DGKB: variants seen among roughly 807,000 people sequenced by gnomAD.
DGKB encodes the protein 90 kDa diacylglycerol kinase.
DGKB carries 67 observed loss-of-function variants against 114.3 expected under a neutral mutation model. The ratio of observed to expected loss-of-function variants is 0.59; its 90% confidence interval spans 0.48 to 0.72. The LOEUF (loss-of-function observed/expected upper bound fraction) is 0.72. Ranked by LOEUF, DGKB falls within the 30% of genes least tolerant of loss-of-function variation. DGKB has a pLI of 0.00. For synonymous variants in DGKB, 398 were observed against 323.1 expected, an observed-to-expected ratio of 1.23 and a Z score of -2.49; for missense variants, 907 against 975.2, an observed-to-expected ratio of 0.93 and a Z score of 0.93.
At chr7:14,675,470 G>C (rs940897482) in intron 12 of DGKB, among the ~76,000 whole-genome samples, 3 of 152,052 alleles carry the variant, frequency 2.0e-5, no homozygotes, top group South Asian at 4.1e-4. Flanking sequence ...AAGAATCGAA[G>C]ACTCAGATAG....
intron 20 of DGKB, among the ~76,000 whole-genome samples, chr7:14,507,365 T>G (rs951579256): frequency 1.3e-5 from 2 of 152,322 alleles, no homozygotes; most frequent in African/African-American, 4.8e-5. Flanking sequence ...AATGAAATAC[T>G]TAACTCCCCT....
intron 23 of DGKB, among the ~76,000 whole-genome samples, chr7:14,268,675 C>G (rs1797865007): frequency 6.6e-6 from 1 of 152,058 alleles, no homozygotes; most frequent in African/African-American, 2.4e-5. Context: ...TTTTGCCTTT[C>G]CTTTAAGGAA....
chr7:14,266,985 TA>T, intron 23 of DGKB, among the ~76,000 whole-genome samples: 1 of 129,208 alleles, frequency 7.7e-6, no homozygotes, highest in Middle Eastern at 4.0e-3. Flanking sequence ...ATTTGTTTTG[TA>T]ATATAGATAA....
intron 21 of DGKB, among the ~76,000 whole-genome samples, chr7:14,401,879 C>G (rs1419357802): frequency 1.3e-5 from 2 of 151,428 alleles, no homozygotes. Flanking sequence ...TGTTTTATTC[C>G]TTTATGTATG....
chr7:14,728,794 C>T (rs551231975), intron 5 of DGKB, among the ~76,000 whole-genome samples: 6 of 151,908 alleles, frequency 3.9e-5, no homozygotes, highest in African/African-American at 1.2e-4. Context: ...ACTCTGCCTC[C>T]CAGGCTCAAG....
At chr7:14,509,599 A>G (rs915747049) in intron 20 of DGKB, among the ~76,000 whole-genome samples, 4 of 152,210 alleles carry the variant, frequency 2.6e-5, no homozygotes, top group African/African-American at 9.6e-5. Context: ...TCCTTCACAT[A>G]TTAATCCTTT....
At chr7:14,267,473 T>TA (rs1473542449) in intron 23 of DGKB, among the ~76,000 whole-genome samples, 3 of 142,328 alleles carry the variant, frequency 2.1e-5, no homozygotes, top group Non-Finnish European at 4.5e-5. Context: ...TGCTTATTTT[T>TA]TTTTTCTTTT....
At chr7:14,775,681 A>G (rs538960125) in intron 2 of DGKB, among the ~76,000 whole-genome samples, 25 of 151,982 alleles carry the variant, frequency 1.6e-4, no homozygotes, top group Non-Finnish European at 2.9e-4. Context: ...CATGTGAAGA[A>G]GGATGTGTTT....
chr7:14,581,365 C>T (rs1296916918), intron 18 of DGKB, among the ~76,000 whole-genome samples: 2 of 152,096 alleles, frequency 1.3e-5, no homozygotes, highest in Non-Finnish European at 2.9e-5. Context: ...ATTCTAGGTA[C>T]ATTTTACTTA....
At chr7:14,916,546 G>T in intron 1 of DGKB, among the ~76,000 whole-genome samples, 1 of 152,090 alleles carries the variant, frequency 6.6e-6, no homozygotes. Flanking sequence ...AATTATAAGG[G>T]ATAAAATAGG....
chr7:14,229,829 A>G (rs1175844118), intron 23 of DGKB, among the ~76,000 whole-genome samples: 1 of 152,034 alleles, frequency 6.6e-6, no homozygotes, highest in African/African-American at 2.4e-5. Flanking sequence ...CGTCCATGCC[A>G]AGATAACCAA....
chr7:14,863,373 G>C (rs971218422), intron 1 of DGKB, among the ~76,000 whole-genome samples: 1 of 150,138 alleles, frequency 6.7e-6, no homozygotes, highest in African/African-American at 2.4e-5. Flanking sequence ...TTTAAACTAT[G>C]GTCAAGAAGG....
intron 2 of DGKB, among the ~76,000 whole-genome samples, chr7:14,764,597 T>C (rs898857992): frequency 1.3e-5 from 2 of 151,890 alleles, no homozygotes; most frequent in African/African-American, 4.8e-5. Context: ...AGGCTCTCAG[T>C]TGAGTCTTAT....
intron 23 of DGKB, among the ~76,000 whole-genome samples, chr7:14,224,064 T>C (rs1322422335): frequency 6.6e-6 from 1 of 151,872 alleles, no homozygotes; most frequent in Non-Finnish European, 1.5e-5. Flanking sequence ...TAGATATGTA[T>C]ATTAATATTT....
rs1450508058 is a variant in DGKB, at chr7:14,583,158, G to A, written c.1434-21C>T. 5 of 1,453,064 alleles carry A rather than the reference G, an allele frequency of 3.4e-6. No individual in the cohort carries two copies. The Admixed American group carries it at 8.6e-5, about 25-fold the overall frequency. 90.0% of individuals were successfully genotyped at this position (1,453,064 alleles called of 1,614,324 possible). A position where few individuals can be genotyped will look rare whatever the true frequency, so the allele number is the denominator to read the frequency against. ...TTAACCTGAAAAATAAGCATGTTATGGCACATGATTAATAGTTTAAAAATA... is the reference window on the plus strand; with the variant it reads ...TTAACCTGAAAAATAAGCATGTTATAGCACATGATTAATAGTTTAAAAATA... On this transcript the variant is annotated intron_variant, in intron 17 of 25. Coordinates refer to ENST00000402815, the MANE Select transcript of DGKB (RefSeq NM_001350709.2).
intron 23 of DGKB, among the ~76,000 whole-genome samples, chr7:14,258,155 G>T (rs111645996): frequency 2.2e-4 from 33 of 152,228 alleles, no homozygotes; most frequent in African/African-American, 6.7e-4. Context: ...ACTGTGAAAG[G>T]GATTAATATA....
Position 14,442,341 on chromosome 7 carries a change from A to G in DGKB, c.1835+35820T>C, listed in dbSNP as rs534472750. On this transcript the variant is annotated intron_variant, in intron 21 of 25. Transcript: ENST00000402815. ...TTCTTTTTTTGTTACTTGGGTTTCTATATTTTAATTCTTGATATTCTTAAT... is the reference window on the plus strand; with the variant it reads ...TTCTTTTTTTGTTACTTGGGTTTCTGTATTTTAATTCTTGATATTCTTAAT... 3.5e-4 allele frequency among the ~76,000 whole-genome samples: 53 copies of G among 152,010 alleles called. 1 individual carries two copies. The South Asian group carries it at 4.3e-3, about 12-fold the overall frequency.
At chr7:14,689,407 G>A (rs1029683386) in intron 9 of DGKB, among the ~76,000 whole-genome samples, 1 of 151,654 alleles carries the variant, frequency 6.6e-6, no homozygotes, top group African/African-American at 2.4e-5. Flanking sequence ...ACCTGACCTC[G>A]TGATCCGCCC....
chr7:14,658,071 G>C (rs1460845195), intron 13 of DGKB, among the ~76,000 whole-genome samples: 2 of 151,912 alleles, frequency 1.3e-5, no homozygotes, highest in East Asian at 3.9e-4. Flanking sequence ...GCATAATTTA[G>C]TAGAATTCTT....
Sources: allele counts gnomAD v4.1 joint callset (sites outside exome capture counted in the v4.1 genomes callset), GRCh38; gene constraint gnomAD v4.1.1; transcripts MANE v1.5; gene names NCBI Gene and HGNC (gene_info 2026-07-23, HGNC 2026-07-21).